Variants in DMD observed in about 807,000 individuals in gnomAD.
The protein encoded by DMD is mutant dystrophin.
DMD carries 63 observed loss-of-function variants against 330.1 expected under a neutral mutation model. The ratio of observed to expected loss-of-function variants is 0.19; its 90% CI spans 0.16 to 0.24. DMD has a LOEUF of 0.24. Among genes scored for constraint, DMD ranks in the 10% least tolerant of loss-of-function variants. The pLI is 1.00. For synonymous variants in DMD, 1,223 were observed against 959.8 expected (o/e 1.27, Z -5.07); for missense variants, 3,344 against 2,684.1 (o/e 1.25, Z -5.43).
At chrX:33,020,074 T>C in intron 2 of DMD, 65 bp downstream of exon 2, 5 of 877,823 alleles carry the variant, frequency 5.7e-6, no homozygotes, top group South Asian at 2.2e-5. Flanking sequence ...GATACACAGG[T>C]ACATAGTCCA....
At chrX:32,738,977 A>G (rs777574915) in intron 7 of DMD, among the ~76,000 whole-genome samples, 3 of 111,967 alleles carry the variant, frequency 2.7e-5, no homozygotes, top group Admixed American at 9.6e-5. Flanking sequence ...GGATATTAAG[A>G]AAATGTAACT....
intron 63 of DMD, 96 bp downstream of exon 63, chrX:31,260,859 A>G: frequency 1.3e-6 from 1 of 768,574 alleles, no homozygotes; most frequent in Admixed American, 2.5e-5. Context: ...CAATCTAGTG[A>G]TGTATTTATA....
In DMD at chrX:32,573,726, T is replaced by A; in HGVS notation, c.1704+19A>T. On this transcript the variant is annotated intron_variant, in intron 14 of 78. Coordinates refer to ENST00000357033, the MANE Select transcript of DMD (RefSeq NM_004006.3). ...ATCCCCCCGTGTCTTTTACAGCTAG[T>A]TTCTCACACATGACACACCTGTTCT... 1 of 1,204,019 alleles carries A rather than the reference T, an allele frequency of 8.3e-7. No individual in the cohort carries two copies. The highest frequency in any genetic ancestry group is 1.1e-6 in the Non-Finnish European group (1 of 888,542).
rs1045223295 is a variant in DMD, at chrX:32,967,535, T to C, written c.93+52604A>G. Among the ~76,000 whole-genome samples, 7 of 111,580 alleles carry C rather than the reference T, an allele frequency of 6.3e-5. No homozygotes were observed. In the East Asian group the frequency reaches 2.0e-3, roughly 32 times the overall value. ...TCTCATCTATTATTAACCTGAAGAA[T>C]GCTGCTTGGGTCTTCAATATTCCAG... On this transcript the variant is annotated intron_variant, in intron 2 of 78. Coordinates refer to ENST00000357033, the MANE Select transcript of DMD (RefSeq NM_004006.3).
rs1557113666 is a variant in DMD, at chrX:32,883,846, A to AAAGAAAAGAAAAG, written c.94-34027_94-34026insCTTTTCTTTTCTT. On this transcript the variant is annotated intron_variant, in intron 2 of 78. Coordinates refer to ENST00000357033, the MANE Select transcript of DMD (RefSeq NM_004006.3). ...TTCAAAAAAAAAAAAAAAAAAAAAA[A>AAAGAAAAGAAAAG]AAAAAGAAAATGACTTCCATTTTAT... Among the ~76,000 whole-genome samples the AAAGAAAAGAAAAG allele has an allele frequency of 7.3e-4, 74 of 101,963 alleles. 2 individuals are homozygous for AAAGAAAAGAAAAG. The highest frequency in any genetic ancestry group is 2.5e-3 in the African/African-American group (69 of 27,146). The allele number at this position is 101,963 out of a possible 115,157, so 88.5% of individuals were successfully genotyped here.
At chrX:32,241,219 C>T (rs1284293948) in intron 43 of DMD, among the ~76,000 whole-genome samples, 1 of 112,138 alleles carries the variant, frequency 8.9e-6, no homozygotes, top group East Asian at 2.8e-4. Flanking sequence ...CCTCAGGTAT[C>T]CTCATCTAGC....
At chrX:32,364,800 C>A (rs567862316) in intron 35 of DMD, 90 bp from the exon 36 acceptor site, 39 of 1,029,642 alleles carry the variant, frequency 3.8e-5, no homozygotes, top group Middle Eastern at 2.6e-4. Context: ...TAAAAGACAA[C>A]AATAAAGTTT....
intron 61 of DMD, among the ~76,000 whole-genome samples, chrX:31,343,614 TGTGTGAGA>T (rs1403153941): frequency 2.4e-4 from 23 of 95,842 alleles, no homozygotes; most frequent in African/African-American, 3.9e-4. Flanking sequence ...TGTGTGTGTG[TGTGTGAGA>T]GAGAGAGAGA....
chrX:32,464,454 A>G, intron 24 of DMD, 132 bp downstream of exon 24: 1 of 505,188 alleles, frequency 2.0e-6, no homozygotes, highest in Non-Finnish European at 3.4e-6. Flanking sequence ...ACAATCAAAA[A>G]CGTCTAGAAA....
chrX:31,887,627 T>C (rs1443501796), intron 47 of DMD, among the ~76,000 whole-genome samples: 1 of 112,166 alleles, frequency 8.9e-6, no homozygotes, highest in Non-Finnish European at 1.9e-5. Flanking sequence ...CAGAGAAGAT[T>C]GCTTAATCCC....
chrX:31,823,094 G>A (rs748884212), intron 49 of DMD, among the ~76,000 whole-genome samples: 3 of 112,755 alleles, frequency 2.7e-5, no homozygotes, highest in South Asian at 3.6e-4. Flanking sequence ...AAGGGTACAG[G>A]GGCAGGACTT....
chrX:32,335,812 T>C (rs1459739297), intron 41 of DMD, among the ~76,000 whole-genome samples: 5 of 105,603 alleles, frequency 4.7e-5, no homozygotes, highest in African/African-American at 1.7e-4. Flanking sequence ...CACGTGTATA[T>C]ATGTATAACA....
chrX:31,923,897 G>A (rs761648804), intron 47 of DMD, among the ~76,000 whole-genome samples: 26 of 111,505 alleles, frequency 2.3e-4, no homozygotes, highest in Non-Finnish European at 4.7e-4. Context: ...CACCCGGCCC[G>A]TTTTCTTATA....
intron 1 of DMD, among the ~76,000 whole-genome samples, chrX:33,301,932 C>T (rs182842074): frequency 6.5e-4 from 73 of 111,634 alleles, no homozygotes; most frequent in African/African-American, 2.2e-3. Context: ...AAAATACATA[C>T]ATGACACATT....
chrX:32,622,015 T>G (rs749592976), intron 11 of DMD, among the ~76,000 whole-genome samples: 2 of 111,746 alleles, frequency 1.8e-5, no homozygotes, highest in Non-Finnish European at 3.8e-5. Flanking sequence ...TCTAGGTAAC[T>G]TTATTCTACA....
chrX:31,671,755 C>G (rs967507139), intron 53 of DMD, among the ~76,000 whole-genome samples: 2 of 110,951 alleles, frequency 1.8e-5, no homozygotes, highest in African/African-American at 6.5e-5. Flanking sequence ...AGTAATGCAC[C>G]CTCTTTTTCT....
intron 29 of DMD, among the ~76,000 whole-genome samples, chrX:32,422,194 C>T (rs895125532): frequency 9.9e-5 from 11 of 111,482 alleles, no homozygotes; most frequent in African/African-American, 3.6e-4. Flanking sequence ...ACACATAATG[C>T]ACCTTAGCAA....
At chrX:33,069,268 T>A (rs1194882466) in intron 1 of DMD, among the ~76,000 whole-genome samples, 1 of 110,836 alleles carries the variant, frequency 9.0e-6, no homozygotes, top group Non-Finnish European at 1.9e-5. Context: ...CTCCCCGTGT[T>A]GCTCTAATCT....
chrX:32,161,684 T>C (rs1223383209), intron 44 of DMD, among the ~76,000 whole-genome samples: 1 of 111,627 alleles, frequency 9.0e-6, no homozygotes, highest in Non-Finnish European at 1.9e-5. Context: ...AAAAGTTGAG[T>C]TAATTGAATT....
Sources: allele counts gnomAD v4.1 joint callset (sites outside exome capture counted in the v4.1 genomes callset), GRCh38; gene constraint gnomAD v4.1.1; transcripts MANE v1.5; gene names NCBI Gene and HGNC (gene_info 2026-07-23, HGNC 2026-07-21).